Variants in MAP2K3 observed in about 807,000 individuals in gnomAD.
MAP2K3 encodes the protein dual specificity mitogen-activated protein kinase kinase 3.
Under a neutral mutation model 46.4 loss-of-function variants are expected in MAP2K3, and 30 were observed. The observed-to-expected ratio is 0.65, with a 90% CI of 0.48 to 0.88. The LOEUF (loss-of-function observed/expected upper bound fraction) is 0.88. Among genes scored for constraint, MAP2K3 ranks in the 40% least tolerant of loss-of-function variants. MAP2K3 has a pLI of 0.00. For missense variants in MAP2K3, 380 were observed against 464.5 expected (o/e 0.82, Z 1.67); for synonymous variants, 189 against 176.3 (o/e 1.07, Z -0.57).
exon 12 of MAP2K3, chr17:21,315,231 AAG>A (rs1977349767): frequency 6.8e-6 from 1 of 146,736 alleles, no homozygotes; most frequent in Admixed American, 6.7e-5. Flanking sequence ...AAAAAAAAAA[AAG>A]GACTAAAGGT....
At chr17:21,295,157 G>T (rs370944418) in intron 1 of MAP2K3, among the ~76,000 whole-genome samples, 1 of 152,292 alleles carries the variant, frequency 6.6e-6, no homozygotes, top group African/African-American at 2.4e-5. Context: ...AAGGCCCTGC[G>T]GTGGGAAAGC....
chr17:21,297,183 G>A (rs1976304390), intron 1 of MAP2K3, among the ~76,000 whole-genome samples: 4 of 152,422 alleles, frequency 2.6e-5, no homozygotes, highest in Middle Eastern at 3.4e-3. Context: ...GCCCCGGTGC[G>A]TGGCTCTGAG....
intron 3 of MAP2K3, 187 bp from the exon 4 acceptor site, chr17:21,300,358 G>A (rs1976522609): frequency 1.6e-6 from 1 of 642,316 alleles, no homozygotes; most frequent in South Asian, 1.9e-5. Flanking sequence ...TTTATAGAGG[G>A]CATCGTGAGG....
Position 21,298,881 on chromosome 17 carries a change from C to A in MAP2K3, c.120C>A (p.Pro40=), listed in dbSNP as rs763332605. Residue 40 remains proline (P), a synonymous_variant, in exon 3 of 12, where the codon CCC becomes CCA. Transcript: ENST00000342679. ...ACGGAGTCTTCTTTCTCCACAGACC[C>A]CCCCGGAACCTGGACTCCCGGACCT... is the stretch of plus-strand genomic sequence containing the variant. ...MSKPPAPNPT[P]PRNLDSRTFI... 7 of 1,614,306 alleles carry A rather than the reference C, an allele frequency of 4.3e-6. No homozygotes were observed. The East Asian group carries it at 1.6e-4, about 36-fold the overall frequency.
chr17:21,310,630 C>T lies in MAP2K3; in HGVS notation c.775-1512C>T, dbSNP rs67942696. Among the ~76,000 whole-genome samples the T allele has an allele frequency of 8.4e-3, 1,287 of 152,354 alleles. 18 individuals carry two copies. The highest frequency in any genetic ancestry group is 0.029 in the African/African-American group (1,210 of 41,584). ...CACCCAGAACAGACAGGGGTCATGC[C>T]GGGGATGGCCCTTGGCCAGGAGCAA... On this transcript the variant is annotated intron_variant, in intron 9 of 11. Transcript: ENST00000342679.
At chr17:21,302,296 T>C (rs1231968828) in intron 6 of MAP2K3, 37 bp downstream of exon 6, 3 of 1,534,522 alleles carry the variant, frequency 2.0e-6, no homozygotes, top group Admixed American at 3.3e-5. Context: ...GGGTCCTAGG[T>C]GCATAGGCAG....
In MAP2K3 at chr17:21,291,389, CAG is replaced by C. The variant is rs750923807; in HGVS notation, c.49+6421_49+6422del. On this transcript the variant is annotated intron_variant, in intron 1 of 11. Coordinates refer to ENST00000342679, the MANE Select transcript of MAP2K3 (RefSeq NM_145109.3). ...AACACAACACAACACGTAGTGATAACAGTGAAGCACAGATGGCGTTTGTTCAG... is the reference window on the plus strand; with the variant it reads ...AACACAACACAACACGTAGTGATAACTGAAGCACAGATGGCGTTTGTTCAG... 2.4e-3 allele frequency: 814 copies of C among 341,350 alleles called. 8 individuals carry two copies. Among genetic ancestry groups the C allele is most frequent in the South Asian group, 0.016 (784 of 50,166 alleles). 21.1% of individuals were successfully genotyped at this position (341,350 alleles called of 1,614,324 possible). A position where few individuals can be genotyped will look rare whatever the true frequency, so the allele number is the denominator to read the frequency against.
chr17:21,295,172 G>A (rs1352819057), intron 1 of MAP2K3, among the ~76,000 whole-genome samples: 3 of 152,310 alleles, frequency 2.0e-5, no homozygotes, highest in African/African-American at 4.8e-5. Context: ...GAAAGCAGGT[G>A]TCTCATTCAG....
intron 1 of MAP2K3, chr17:21,296,114 T>A: frequency 7.8e-7 from 1 of 1,289,584 alleles, no homozygotes; most frequent in Non-Finnish European, 1.0e-6. Context: ...TGGTGACCAT[T>A]TATGGGCCAC....
chr17:21,294,351 AC>A (rs1328359411), intron 1 of MAP2K3, among the ~76,000 whole-genome samples: 1 of 152,426 alleles, frequency 6.6e-6, no homozygotes. Context: ...GTTGTCAGAA[AC>A]CTGGTGATGC....
At position 21,307,637 on chromosome 17, in the gene MAP2K3, A is replaced by G. The variant is rs1976959708; in HGVS notation, c.774+2509A>G. On this transcript the variant is annotated intron_variant, in intron 9 of 11. Coordinates refer to ENST00000342679, the MANE Select transcript of MAP2K3 (RefSeq NM_145109.3). Reference sequence around the variant, plus strand: ...TGTGGGTTTTACTGGTGTTGCTGCTACCATTGTTATCATCATCATGTGGTT... The same window carrying G: ...TGTGGGTTTTACTGGTGTTGCTGCTGCCATTGTTATCATCATCATGTGGTT... Among the ~76,000 whole-genome samples the G allele has an allele frequency of 2.0e-5, 3 of 151,814 alleles. No homozygotes were observed. The South Asian group carries it at 6.3e-4, about 32-fold the overall frequency.
chr17:21,298,977 G>C (rs761151319), intron 3 of MAP2K3, 51 bp downstream of exon 3: 1 of 1,612,906 alleles, frequency 6.2e-7, no homozygotes, highest in South Asian at 1.1e-5. Context: ...CCTGACGAGC[G>C]GGTAGAGCTG....
chr17:21,295,668 C>A (rs1257883946), intron 1 of MAP2K3: 1 of 1,289,360 alleles, frequency 7.8e-7, no homozygotes, highest in Admixed American at 2.3e-5. Flanking sequence ...CTTGGTGTCC[C>A]CAACAGGCCG....
At chr17:21,300,454 C>T in intron 3 of MAP2K3, 91 bp from the exon 4 acceptor site, 19 of 1,335,314 alleles carry the variant, frequency 1.4e-5, no homozygotes, top group Non-Finnish European at 2.0e-5. Context: ...TCAGCTGGTC[C>T]TCTTCATGCT....
At chr17:21,298,223 C>T in intron 1 of MAP2K3, 190 bp from the exon 2 acceptor site, 1 of 832,198 alleles carries the variant, frequency 1.2e-6, no homozygotes, top group South Asian at 1.3e-5. Flanking sequence ...CTGCTCTGCT[C>T]CCCTGCAGGG....
intron 3 of MAP2K3, among the ~76,000 whole-genome samples, chr17:21,299,436 C>T (rs942602849): frequency 2.0e-5 from 3 of 152,304 alleles, no homozygotes; most frequent in Admixed American, 1.3e-4. Context: ...AATCCCCACA[C>T]TTTGGGAGGC....
intron 1 of MAP2K3, 154 bp downstream of exon 1, chr17:21,285,123 C>T (rs1975689528): frequency 2.4e-6 from 2 of 848,446 alleles, no homozygotes; most frequent in South Asian, 5.4e-5. Flanking sequence ...GTCCCGGGAC[C>T]AGCCCCCGCC....
chr17:21,284,805 C>CGCT lies in MAP2K3; in HGVS notation c.-112_-110dup, dbSNP rs1975679323. On this transcript the variant is annotated 5_prime_UTR_variant, in exon 1 of 12. Transcript: ENST00000342679. ...TCGCCGCCGCCGCCGCCGCCGCCGC[C>CGCT]GCTGCTCCTCCGCCTGGCCTGGGCC... 22 of 1,144,310 alleles carry CGCT rather than the reference C, an allele frequency of 1.9e-5. No homozygotes were observed. The highest frequency in any genetic ancestry group is 3.6e-5 in the South Asian group (2 of 56,068). 70.9% of individuals were successfully genotyped at this position (1,144,310 alleles called of 1,614,324 possible). A position where few individuals can be genotyped will look rare whatever the true frequency, so the allele number is the denominator to read the frequency against.
At chr17:21,305,723 G>GC (rs1161195460) in intron 9 of MAP2K3, among the ~76,000 whole-genome samples, 1 of 152,308 alleles carries the variant, frequency 6.6e-6, no homozygotes, top group Non-Finnish European at 1.5e-5. Context: ...CAAGGTGTGG[G>GC]TGAGCCCGCT....
Sources: gnomAD v4.1 joint callset for allele counts (sites outside exome capture counted in the v4.1 genomes callset) on GRCh38, gnomAD v4.1.1 for gene constraint, MANE v1.5 for transcripts, NCBI Gene and HGNC (gene_info 2026-07-23, HGNC 2026-07-21) for gene names.